The following NTRK1 variants were observed in gnomAD, a reference collection of about 807,000 sequenced individuals.
NTRK1 encodes the protein high affinity nerve growth factor receptor.
A neutral mutation model predicts 86.8 loss-of-function variants in NTRK1; 62 were observed. The ratio of observed to expected loss-of-function variants is 0.71; its 90% CI spans 0.58 to 0.88. NTRK1 has a LOEUF of 0.88. Ranked by LOEUF, NTRK1 falls within the 40% of genes least tolerant of loss-of-function variation. The pLI is 0.00. For synonymous variants in NTRK1, 469 were observed against 456.6 expected (o/e 1.03, Z -0.35); for missense variants, 967 against 1,078.4 (o/e 0.90, Z 1.45).
intron 2 of NTRK1, chr1:156,851,274 G>C (rs1655194457): frequency 6.2e-7 from 1 of 1,614,134 alleles, no homozygotes; most frequent in East Asian, 2.2e-5. Flanking sequence ...GAGCTGGTCA[G>C]AGGCCTAACC....
At chr1:156,825,591 A>G (rs772709920) in intron 1 of NTRK1, among the ~76,000 whole-genome samples, 8 of 152,172 alleles carry the variant, frequency 5.3e-5, no homozygotes, top group South Asian at 2.1e-4. Context: ...CAATGGCCCC[A>G]TCATTACCTT....
At chr1:156,846,618 A>G (rs1655020816) in intron 2 of NTRK1, 2 of 1,614,034 alleles carry the variant, frequency 1.2e-6, no homozygotes, top group African/African-American at 2.7e-5. Context: ...AACACTGCGT[A>G]CTGTGTCCAA....
Position 156,854,985 on chromosome 1 carries a change from T to A in NTRK1, c.51-9369T>A, listed in dbSNP as rs1027939971. Among the ~76,000 whole-genome samples, 1 of 152,202 alleles carries A rather than the reference T, an allele frequency of 6.6e-6. No homozygotes were observed. Among genetic ancestry groups the A allele is most frequent in the Non-Finnish European group, 1.5e-5 (1 of 68,040 alleles). ...TCCTTTTTATCATCTTCAGCCACAT[T>A]GACTTCTTTGCTTTTCCTTATATGT... is the stretch of plus-strand genomic sequence containing the variant. On this transcript the variant is annotated intron_variant, in intron 2 of 16. Coordinates refer to the NTRK1 transcript ENST00000392302. This position sits in a 1 kb window ranked among gnomAD's most constrained non-coding sequence, Gnocchi z 4.2.
chr1:156,864,834 G>A, intron 3 of NTRK1, 35 bp downstream of exon 3: 1 of 1,598,152 alleles, frequency 6.3e-7, no homozygotes, highest in Non-Finnish European at 8.5e-7. Context: ...TGGGAGTTGG[G>A]GAGGACACCC....
chr1:156,877,836 C>G (rs1648012217), intron 14 of NTRK1, among the ~76,000 whole-genome samples: 2 of 152,210 alleles, frequency 1.3e-5, no homozygotes, highest in Admixed American at 1.3e-4. Context: ...GGAGAGACCC[C>G]TGAGTCTTGG....
At position 156,868,511 on chromosome 1, in the gene NTRK1, C is replaced by T. The variant is rs1319598861; in HGVS notation, c.581C>T (p.Pro194Leu). ...AHMPNASCGV[P>L]TLKVQVPNAS... ...GGGCGTCCTGGGTGGCCAGGTGTGC[C>T]CACGCTGAAGGTCCAGGTGCCCAAT... Residue 194 changes from proline (P) to leucine (L), a missense_variant, in exon 6 of 17, where the codon CCC (proline) becomes CTC (leucine). Pro to Leu is a moderately conservative substitution (Grantham distance 98). Around this residue, in one of 2 missense-constraint regions of NTRK1, gnomAD observed 330 missense variants for 302.0 expected, o/e 1.09. Coordinates refer to ENST00000524377, the MANE Select transcript of NTRK1 (RefSeq NM_002529.4). The T allele has an allele frequency of 6.4e-7, 1 of 1,558,054 alleles. No individual in the cohort carries two copies. The highest frequency in any genetic ancestry group is 8.7e-7 in the Non-Finnish European group (1 of 1,150,810).
chr1:156,880,007 C>T lies in NTRK1; in HGVS notation c.2055C>T (p.Gly685=), dbSNP rs1571703837. The change falls in exon 16 of 17, where the codon GGC becomes GGT. Residue 685 remains glycine (G), a synonymous_variant. Coordinates refer to ENST00000524377, the MANE Select transcript of NTRK1 (RefSeq NM_002529.4). ...IYSTDYYRVG[G]RTMLPIRWMP... is the part of the protein sequence containing the mutation. ...GTGTCCGCCCGTGGCAGGTGGGAGGCCGCACCATGCTGCCCATTCGCTGGA... is the reference window on the plus strand; with the variant it reads ...GTGTCCGCCCGTGGCAGGTGGGAGGTCGCACCATGCTGCCCATTCGCTGGA... The T allele has an allele frequency of 6.2e-7, 1 of 1,613,006 alleles. No individual in the cohort carries two copies. Among genetic ancestry groups the T allele is most frequent in the African/African-American group, 1.3e-5 (1 of 75,004 alleles).
At position 156,881,641 on chromosome 1, in the gene NTRK1, A is replaced by G; in HGVS notation, c.2390A>G (p.Ter797TrpextTer10). Residue 797 changes from the stop codon to tryptophan, a stop_lost, in exon 17 of 17, where the codon TAG becomes TGG. Coordinates refer to ENST00000524377, the MANE Select transcript of NTRK1 (RefSeq NM_002529.4). ...APPVYLDVLG[*>W] is the part of the protein sequence containing the mutation. ...CCTGTCTACCTGGATGTCCTGGGCTAGGGGGCCGGCCCAGGGGCTGGGAGT... is the reference window on the plus strand; with the variant it reads ...CCTGTCTACCTGGATGTCCTGGGCTGGGGGGCCGGCCCAGGGGCTGGGAGT... 6.2e-7 allele frequency: 1 copy of G among 1,603,284 alleles called. No homozygotes were observed. The highest frequency in any genetic ancestry group is 1.3e-5 in the African/African-American group (1 of 74,866).
intron 7 of NTRK1, among the ~76,000 whole-genome samples, chr1:156,873,368 G>A (rs1025148641): frequency 6.6e-6 from 1 of 152,054 alleles, no homozygotes; most frequent in Non-Finnish European, 1.5e-5. Flanking sequence ...CTCCTGTGGG[G>A]CTGTGACTTA....
chr1:156,845,164 G>T (rs1390557449), intron 2 of NTRK1: 1 of 1,611,422 alleles, frequency 6.2e-7, no homozygotes, highest in Admixed American at 1.7e-5. Context: ...TGTCGATCCG[G>T]TATTCCGTGA....
intron 2 of NTRK1, chr1:156,845,633 C>A: frequency 1.9e-6 from 3 of 1,598,664 alleles, no homozygotes; most frequent in Non-Finnish European, 8.5e-7. Context: ...GGATGGTGAT[C>A]GCGTTGTGTA....
chr1:156,825,581 C>T (rs1169452290), intron 1 of NTRK1, among the ~76,000 whole-genome samples: 1 of 151,914 alleles, frequency 6.6e-6, no homozygotes, highest in Non-Finnish European at 1.5e-5. Context: ...CAAACCTTAA[C>T]AATGGCCCCA....
intron 2 of NTRK1, chr1:156,852,095 G>T (rs1655236458): frequency 6.2e-7 from 1 of 1,613,616 alleles, no homozygotes; most frequent in Non-Finnish European, 8.5e-7. Flanking sequence ...AGCTACACAG[G>T]CACGAGGGTC....
rs768967954 is a variant in NTRK1 at position 156,816,713 on chromosome 1, G to A, written c.-64+875G>A. The A allele has an allele frequency of 3.8e-6, 6 of 1,597,414 alleles. No homozygotes were observed. In the Admixed American group the frequency reaches 5.1e-5, roughly 14 times the overall value. Reference sequence around the variant, plus strand: ...CTGGGCCAGGGGGAACTCCATGAGGGCAGCCTCACAAGGGATCCCAGAGCA... The same window carrying A: ...CTGGGCCAGGGGGAACTCCATGAGGACAGCCTCACAAGGGATCCCAGAGCA... On this transcript the variant is annotated intron_variant, in intron 1 of 16. Coordinates refer to the NTRK1 transcript ENST00000392302.
intron 8 of NTRK1, 119 bp downstream of exon 8, chr1:156,874,078 C>G (rs1647743945): frequency 1.8e-6 from 2 of 1,086,584 alleles, no homozygotes; most frequent in Non-Finnish European, 2.7e-6. Context: ...AGAAAGGAGT[C>G]TGGAGTCCTG....
At chr1:156,876,714 A>G in intron 14 of NTRK1, 142 bp downstream of exon 14, 1 of 1,046,810 alleles carries the variant, frequency 9.6e-7, no homozygotes, top group Non-Finnish European at 1.4e-6. Context: ...GTCCCCAGGG[A>G]GCTCTGAGAT....
At chr1:156,816,078 G>C in intron 1 of NTRK1, 1 of 1,613,782 alleles carries the variant, frequency 6.2e-7, no homozygotes, top group Non-Finnish European at 8.5e-7. Flanking sequence ...AGGTTGGGAT[G>C]GGGGCTTCGT....
At chr1:156,816,199 G>A in intron 1 of NTRK1, 1 of 1,465,852 alleles carries the variant, frequency 6.8e-7, no homozygotes. Flanking sequence ...GGCTGGGACA[G>A]TCTTAACGAC....
chr1:156,816,814 G>A (rs1307017725), intron 1 of NTRK1: 12 of 1,095,960 alleles, frequency 1.1e-5, no homozygotes, highest in African/African-American at 1.6e-5. Flanking sequence ...GGCCCCGGGG[G>A]CAGGAAATGT....
Sources: allele counts gnomAD v4.1 joint callset (sites outside exome capture counted in the v4.1 genomes callset), GRCh38; gene constraint gnomAD v4.1.1; regional missense constraint gnomAD v4.1.1; non-coding constraint Gnocchi (gnomAD v3.1); transcripts MANE v1.5; gene names NCBI Gene and HGNC (gene_info 2026-07-23, HGNC 2026-07-21).